RNF216: variants seen among roughly 807,000 people sequenced by gnomAD.
RNF216 encodes ring finger protein 216.
A neutral mutation model predicts 110.8 loss-of-function variants in RNF216; 72 were observed. The ratio of observed to expected loss-of-function variants is 0.65; its 90% CI spans 0.54 to 0.79. The LOEUF is 0.79. Among genes scored for constraint, RNF216 ranks in the 30% least tolerant of loss-of-function variants. The pLI is 0.00. For synonymous variants in RNF216, 495 were observed against 407.5 expected, an observed-to-expected ratio of 1.21 and a Z score of -2.59; for missense variants, 1,342 against 1,141.2, an observed-to-expected ratio of 1.18 and a Z score of -2.54.
At chr7:5,748,611 T>TAAACACAC (rs977218290) in intron 3 of RNF216, among the ~76,000 whole-genome samples, 5 of 143,054 alleles carry the variant, frequency 3.5e-5, no homozygotes, top group African/African-American at 1.0e-4. Flanking sequence ...TTTATATACA[T>TAAACACAC]ACACACACAC....
intron 15 of RNF216, among the ~76,000 whole-genome samples, chr7:5,625,589 C>T (rs1416117741): frequency 2.6e-5 from 4 of 152,200 alleles, no homozygotes; most frequent in Admixed American, 6.5e-5. Flanking sequence ...ACAGCCAAGA[C>T]AGAAATGAGT....
intron 15 of RNF216, among the ~76,000 whole-genome samples, chr7:5,629,541 G>A (rs1049757283): frequency 2.6e-5 from 4 of 152,002 alleles, no homozygotes; most frequent in African/African-American, 7.3e-5. Flanking sequence ...ATTAAAAAGA[G>A]GGAGGGGCCA....
intron 13 of RNF216, among the ~76,000 whole-genome samples, chr7:5,653,745 G>A (rs1318631404): frequency 6.6e-6 from 1 of 152,144 alleles, no homozygotes; most frequent in Non-Finnish European, 1.5e-5. Flanking sequence ...GATCTAGTCT[G>A]GGGAGACAGT....
At chr7:5,709,640 AT>A (rs1298814324) in intron 13 of RNF216, among the ~76,000 whole-genome samples, 2 of 152,206 alleles carry the variant, frequency 1.3e-5, no homozygotes, top group Non-Finnish European at 2.9e-5. Flanking sequence ...ACAAAAACAT[AT>A]GTGGTGTTCC....
At chr7:5,638,351 C>T (rs943026258) in intron 15 of RNF216, among the ~76,000 whole-genome samples, 2 of 152,166 alleles carry the variant, frequency 1.3e-5, no homozygotes, top group African/African-American at 4.8e-5. Flanking sequence ...CTTTAAACAA[C>T]TCAGTGAACA....
chr7:5,715,269 C>T (rs1406230906), intron 10 of RNF216, 79 bp from the exon 11 acceptor site: 1 of 1,443,904 alleles, frequency 6.9e-7, no homozygotes, highest in Non-Finnish European at 9.5e-7. Flanking sequence ...CCTCATCTCT[C>T]TGCCACCCCC....
At chr7:5,663,296 C>T (rs1197288058) in intron 13 of RNF216, among the ~76,000 whole-genome samples, 4 of 152,184 alleles carry the variant, frequency 2.6e-5, no homozygotes, top group African/African-American at 4.8e-5. Flanking sequence ...AAAAAGTTCA[C>T]TTGGCCAGGC....
chr7:5,763,916 C>T (rs905640845), intron 1 of RNF216, among the ~76,000 whole-genome samples: 5 of 152,068 alleles, frequency 3.3e-5, no homozygotes, highest in African/African-American at 7.2e-5. Flanking sequence ...CGGCAGGGCA[C>T]GACAGCTCAT....
At chr7:5,672,768 A>G (rs1790003278) in intron 13 of RNF216, among the ~76,000 whole-genome samples, 1 of 152,090 alleles carries the variant, frequency 6.6e-6, no homozygotes, top group South Asian at 2.1e-4. Flanking sequence ...AGCGCAAGGT[A>G]GAGGATGGAT....
At position 5,697,000 on chromosome 7, in the gene RNF216, G is replaced by A. The variant is rs1183835816; in HGVS notation, c.2061+14761C>T. Among the ~76,000 whole-genome samples, 2 of 152,138 alleles carry A rather than the reference G, an allele frequency of 1.3e-5. No homozygotes were observed. Among genetic ancestry groups the A allele is most frequent in the South Asian group, 2.1e-4 (1 of 4,822 alleles). The stretch of plus-strand genomic sequence containing the variant: ...TTACGCCAGCAACAGCTCCAGGGAC[G>A]GGGGTAGGGGAAGTCTCCAAAATAA... On this transcript the variant is annotated intron_variant, in intron 13 of 16. Transcript: ENST00000389902. This position sits in a 1 kb window ranked among gnomAD's most constrained non-coding sequence, Gnocchi z 5.4.
At chr7:5,735,633 G>A (rs1003920602) in intron 5 of RNF216, among the ~76,000 whole-genome samples, 1 of 152,164 alleles carries the variant, frequency 6.6e-6, no homozygotes, top group African/African-American at 2.4e-5. Flanking sequence ...GCATCTCAGA[G>A]ACAAAGAGGT....
At chr7:5,675,878 T>A (rs1790255852) in intron 13 of RNF216, among the ~76,000 whole-genome samples, 2 of 151,988 alleles carry the variant, frequency 1.3e-5, no homozygotes, top group South Asian at 4.2e-4. Flanking sequence ...CCTGGCTAAT[T>A]TTGTATTTTT....
At chr7:5,742,712 C>T (rs928982342) in intron 3 of RNF216, among the ~76,000 whole-genome samples, 6 of 150,638 alleles carry the variant, frequency 4.0e-5, no homozygotes, top group Non-Finnish European at 8.8e-5. Context: ...TATCCTGCCA[C>T]AGCCTCCCGA....
intron 13 of RNF216, among the ~76,000 whole-genome samples, chr7:5,672,760 C>T (rs543789466): frequency 6.6e-6 from 1 of 151,982 alleles, no homozygotes; most frequent in Admixed American, 6.6e-5. Flanking sequence ...TGGTGAGCAG[C>T]GCAAGGTAGA....
At chr7:5,703,129 C>T (rs1295423478) in intron 13 of RNF216, among the ~76,000 whole-genome samples, 1 of 152,220 alleles carries the variant, frequency 6.6e-6, no homozygotes, top group Non-Finnish European at 1.5e-5. Context: ...CACCCTCCTT[C>T]ATATTTGACT....
chr7:5,699,250 T>C (rs1191239941), intron 13 of RNF216, among the ~76,000 whole-genome samples: 1 of 152,170 alleles, frequency 6.6e-6, no homozygotes, highest in Non-Finnish European at 1.5e-5. Flanking sequence ...TTATAAATAT[T>C]TCAGTTTGTA....
intron 13 of RNF216, among the ~76,000 whole-genome samples, chr7:5,675,606 G>A (rs1041159748): frequency 5.3e-5 from 8 of 151,992 alleles, no homozygotes; most frequent in African/African-American, 4.8e-5. Flanking sequence ...ACATCACTGC[G>A]CTCCAGCCTG....
intron 13 of RNF216, among the ~76,000 whole-genome samples, chr7:5,710,602 C>G (rs1038524302): frequency 2.6e-5 from 4 of 152,196 alleles, no homozygotes; most frequent in Admixed American, 2.0e-4. Flanking sequence ...TATTTTATCT[C>G]TCCCCACCTC....
intron 13 of RNF216, among the ~76,000 whole-genome samples, chr7:5,655,426 C>T (rs1788676690): frequency 6.6e-6 from 1 of 152,306 alleles, no homozygotes; most frequent in African/African-American, 2.4e-5. Flanking sequence ...GGAGAAACCC[C>T]ATCTCTACTA....
Sources: allele counts gnomAD v4.1 joint callset (sites outside exome capture counted in the v4.1 genomes callset), GRCh38; gene constraint gnomAD v4.1.1; non-coding constraint Gnocchi (gnomAD v3.1); transcripts MANE v1.5; gene names NCBI Gene and HGNC (gene_info 2026-07-23, HGNC 2026-07-21).